The following LARGE1 variants were observed in gnomAD, a reference collection of about 807,000 sequenced individuals.
The protein encoded by LARGE1 is xylosyl- and glucuronyltransferase LARGE1.
Under a neutral mutation model 87.6 loss-of-function variants are expected in LARGE1, and 43 were observed. That is an observed-to-expected ratio of 0.49 (90% CI 0.38 to 0.63). The LOEUF is 0.63. Ranked by LOEUF, LARGE1 falls within the 30% of genes least tolerant of loss-of-function variation. The pLI is 0.00. For missense variants in LARGE1, 802 were observed against 1,000.2 expected, an observed-to-expected ratio of 0.80 and a Z score of 2.67; for synonymous variants, 434 against 394.6, an observed-to-expected ratio of 1.10 and a Z score of -1.18.
At chr22:33,122,605 C>T in the LARGE1 span, among the ~76,000 whole-genome samples, 4 of 152,002 alleles carry the variant, frequency 2.6e-5, no homozygotes, top group Non-Finnish European at 4.4e-5. Flanking sequence ...GTGATCCATC[C>T]GCCTTGGCCT....
chr22:33,642,514 G>T (rs2080468037), intron 3 of LARGE1, among the ~76,000 whole-genome samples: 1 of 151,918 alleles, frequency 6.6e-6, no homozygotes, highest in African/African-American at 2.4e-5. Flanking sequence ...CATGATGACA[G>T]GATCAAATTC....
At chr22:33,832,838 T>G (rs1040620129) in intron 1 of LARGE1, among the ~76,000 whole-genome samples, 2 of 152,234 alleles carry the variant, frequency 1.3e-5, no homozygotes, top group Non-Finnish European at 2.9e-5. Flanking sequence ...CCAGGATCTA[T>G]GTCCAGTATA....
intron 11 of LARGE1, among the ~76,000 whole-genome samples, chr22:33,191,562 G>C (rs1351723588): frequency 6.6e-6 from 1 of 152,158 alleles, no homozygotes. Flanking sequence ...GAACTAAAAG[G>C]AGACCTCAGA....
chr22:33,756,449 C>A (rs912181035), intron 2 of LARGE1, among the ~76,000 whole-genome samples: 1 of 152,062 alleles, frequency 6.6e-6, no homozygotes, highest in African/African-American at 2.4e-5. Context: ...AATAGGGAGC[C>A]AAGGAAGCCT....
the LARGE1 span, among the ~76,000 whole-genome samples, chr22:33,154,796 T>G: frequency 6.6e-6 from 1 of 152,208 alleles, no homozygotes; most frequent in Non-Finnish European, 1.5e-5. Flanking sequence ...GGTTTGGCTG[T>G]GTCTCCACCA....
chr22:33,234,066 A>C (rs1926136397), intron 11 of LARGE1, among the ~76,000 whole-genome samples: 1 of 152,252 alleles, frequency 6.6e-6, no homozygotes. Flanking sequence ...AACAGCCTTC[A>C]TATCCAGCAA....
chr22:33,304,179 T>C, intron 12 of LARGE1, 50 bp downstream of exon 12: 1 of 1,603,702 alleles, frequency 6.2e-7, no homozygotes, highest in Non-Finnish European at 8.5e-7. Flanking sequence ...TGGCACTGCA[T>C]GGCCCTATGT....
At chr22:33,139,048 C>G in the LARGE1 span, among the ~76,000 whole-genome samples, 1 of 152,186 alleles carries the variant, frequency 6.6e-6, no homozygotes, top group East Asian at 1.9e-4. Context: ...CAAGTTCTCT[C>G]TTTGCCTGAT....
intron 2 of LARGE1, among the ~76,000 whole-genome samples, chr22:33,660,594 A>C (rs1279590317): frequency 6.6e-6 from 1 of 152,208 alleles, no homozygotes; most frequent in African/African-American, 2.4e-5. Flanking sequence ...CCAATGGTTG[A>C]GTCTGAGAAA....
the LARGE1 span, among the ~76,000 whole-genome samples, chr22:33,115,599 C>T: frequency 6.4e-4 from 97 of 152,064 alleles, no homozygotes; most frequent in East Asian, 3.1e-3. Flanking sequence ...GGGGGAATCA[C>T]GAAGTCAGGA....
intron 2 of LARGE1, among the ~76,000 whole-genome samples, chr22:33,673,720 C>CA (rs1295245329): frequency 6.6e-6 from 1 of 152,118 alleles, no homozygotes; most frequent in Non-Finnish European, 1.5e-5. Context: ...TATTTTGAGA[C>CA]AGAGTCTTGC....
chr22:33,525,931 G>A (rs2071869544), intron 6 of LARGE1, among the ~76,000 whole-genome samples: 1 of 152,048 alleles, frequency 6.6e-6, no homozygotes, highest in Non-Finnish European at 1.5e-5. Flanking sequence ...CCCATTCCTA[G>A]GAATATACTC....
chr22:33,218,214 G>A (rs1925300802), intron 11 of LARGE1, among the ~76,000 whole-genome samples: 1 of 152,190 alleles, frequency 6.6e-6, no homozygotes, highest in African/African-American at 2.4e-5. Flanking sequence ...ACAGGCATGA[G>A]CCACCATGCT....
intron 3 of LARGE1, among the ~76,000 whole-genome samples, chr22:33,632,277 T>C (rs12158591): frequency 0.014 from 2,158 of 152,262 alleles, 52 homozygotes; most frequent in African/African-American, 0.05. Context: ...CATGCGGCCA[T>C]CATGCCCAGC....
chr22:33,821,490 G>A (rs1005151653), intron 1 of LARGE1, among the ~76,000 whole-genome samples: 38 of 152,276 alleles, frequency 2.5e-4, no homozygotes, highest in African/African-American at 8.9e-4. Context: ...AACCACGTCT[G>A]ACAAATGTTT....
At chr22:33,217,569 G>T (rs1925268229) in intron 11 of LARGE1, among the ~76,000 whole-genome samples, 1 of 152,158 alleles carries the variant, frequency 6.6e-6, no homozygotes, top group Admixed American at 6.5e-5. Flanking sequence ...TATTGCCCAT[G>T]AATGCATACA....
At chr22:33,288,383 C>A (rs1156393458) in intron 12 of LARGE1, among the ~76,000 whole-genome samples, 2 of 152,182 alleles carry the variant, frequency 1.3e-5, no homozygotes, top group Non-Finnish European at 2.9e-5. Flanking sequence ...AGCCTGCTGG[C>A]CTGCTCTGTC....
At chr22:33,757,462 G>T (rs546130059) in intron 2 of LARGE1, among the ~76,000 whole-genome samples, 2 of 152,284 alleles carry the variant, frequency 1.3e-5, no homozygotes, top group African/African-American at 4.8e-5. Context: ...GGCCTACCAT[G>T]AAGAGCAAGT....
chr22:33,758,689 A>G (rs1295040560), intron 2 of LARGE1, among the ~76,000 whole-genome samples: 1 of 152,206 alleles, frequency 6.6e-6, no homozygotes, highest in African/African-American at 2.4e-5. Context: ...CGATGGTTCT[A>G]AGCTGCCTTC....
Sources: gnomAD v4.1 joint callset for allele counts (sites outside exome capture counted in the v4.1 genomes callset) on GRCh38, gnomAD v4.1.1 for gene constraint, MANE v1.5 for transcripts, NCBI Gene and HGNC (gene_info 2026-07-23, HGNC 2026-07-21) for gene names.